The following TIMM9 variants were observed in gnomAD, a reference collection of about 807,000 sequenced individuals.
The protein encoded by TIMM9 is mitochondrial import inner membrane translocase subunit Tim9.
In TIMM9, 10 loss-of-function variants were observed where a neutral mutation model predicts 13.4. The observed-to-expected ratio is 0.75, with a 90% CI of 0.46 to 1.26. The LOEUF (loss-of-function observed/expected upper bound fraction) is 1.26, where lower values mean the gene tolerates loss of function less well. TIMM9 is among the 50% of genes most tolerant of loss of function. The probability of loss-of-function intolerance (pLI) is 0.00; values close to 1 mark genes in which losing one functional copy is unlikely to be tolerated. For synonymous variants in TIMM9, 32 were observed against 32.1 expected (o/e 1.00, Z 0.01); for missense variants, 87 against 100.8 (o/e 0.86, Z 0.58).
intron 3 of TIMM9, among the ~76,000 whole-genome samples, chr14:58,418,534 A>G (rs1478398301): frequency 6.6e-6 from 1 of 152,230 alleles, no homozygotes; most frequent in Non-Finnish European, 1.5e-5. Flanking sequence ...TGCATGTAAT[A>G]TAATTATGAA....
At chr14:58,409,295 T>A in intron 5 of TIMM9, 127 bp from the exon 6 acceptor site, 2 of 1,028,146 alleles carry the variant, frequency 1.9e-6, no homozygotes, top group Non-Finnish European at 1.4e-6. Flanking sequence ...TAAATAGTAC[T>A]AATTGGCAGC....
Position 58,409,048 on chromosome 14 carries a change from C to T in TIMM9, c.256G>A (p.Gly86Ser). 6.2e-7 allele frequency: 1 copy of T among 1,613,094 alleles called. No homozygotes were observed. Among genetic ancestry groups the T allele is most frequent in the Non-Finnish European group, 8.5e-7 (1 of 1,179,810 alleles). ...EALAAKAGLL[G>S]QPR is the part of the protein sequence containing the mutation. ...TCAGGACTTCTCTATCGTGGTTGGC[C>T]AAGGAGTCCTGCTTTGGCTGCCAGG... The change falls in exon 6 of 6, where the codon GGC becomes AGC. Residue 86 changes from glycine to serine, a missense_variant. By Grantham distance (56) the Gly-to-Ser change is moderately conservative. Coordinates refer to ENST00000395159, the MANE Select transcript of TIMM9 (RefSeq NM_012460.4).
chr14:58,425,933 G>A lies in TIMM9; in HGVS notation c.-115+1121C>T, dbSNP rs558536711. 3.3e-5 allele frequency among the ~76,000 whole-genome samples: 5 copies of A among 152,006 alleles called. No individual in the cohort carries two copies. In the East Asian group the frequency reaches 9.9e-4, roughly 30 times the overall value. On this transcript the variant is annotated intron_variant, in intron 2 of 5. Coordinates refer to ENST00000395159, the MANE Select transcript of TIMM9 (RefSeq NM_012460.4). Reference sequence around the variant, plus strand: ...GTTCGAGACCAACCTGGCCAACATGGTGAAACCCCGTCTCTAATAAAAATA... The same window carrying A: ...GTTCGAGACCAACCTGGCCAACATGATGAAACCCCGTCTCTAATAAAAATA...
intron 3 of TIMM9, among the ~76,000 whole-genome samples, chr14:58,418,658 A>C (rs1334900342): frequency 6.6e-6 from 1 of 152,216 alleles, no homozygotes; most frequent in African/African-American, 2.4e-5. Context: ...ATATACCATC[A>C]ATGAACACAT....
chr14:58,412,166 C>A lies in TIMM9; in HGVS notation c.-26-195G>T, dbSNP rs568610679. The A allele has an allele frequency of 2.0e-5, 9 of 445,668 alleles. No homozygotes were observed. In the South Asian group the frequency reaches 2.4e-4, roughly 12 times the overall value. 27.6% of individuals were successfully genotyped at this position (445,668 alleles called of 1,614,324 possible). On this transcript the variant is annotated intron_variant, in intron 3 of 5. Transcript: ENST00000395159. ...TTAGATTTTCTTTTTTTTTTTGAGA[C>A]GGAGTCTCACTCTGTCACCAGGCTG...
chr14:58,419,152 T>C (rs1297231094), intron 3 of TIMM9, among the ~76,000 whole-genome samples: 1 of 151,848 alleles, frequency 6.6e-6, no homozygotes, highest in African/African-American at 2.4e-5. Flanking sequence ...AATAACAGAT[T>C]AACACCAAAA....
At chr14:58,419,152 T>A (rs1297231094) in intron 3 of TIMM9, among the ~76,000 whole-genome samples, 1 of 151,848 alleles carries the variant, frequency 6.6e-6, no homozygotes, top group Non-Finnish European at 1.5e-5. Context: ...AATAACAGAT[T>A]AACACCAAAA....
intron 2 of TIMM9, among the ~76,000 whole-genome samples, chr14:58,425,108 T>C (rs1180824322): frequency 6.6e-6 from 1 of 151,956 alleles, no homozygotes; most frequent in Non-Finnish European, 1.5e-5. Context: ...TTGAGAGGGC[T>C]GATTTAGAGT....
intron 5 of TIMM9, 50 bp from the exon 6 acceptor site, chr14:58,409,218 T>A: frequency 6.3e-7 from 1 of 1,593,914 alleles, no homozygotes; most frequent in Non-Finnish European, 8.5e-7. Flanking sequence ...ATATGAATTT[T>A]TTAAAATGCA....
At chr14:58,425,198 G>T (rs2036697985) in intron 2 of TIMM9, among the ~76,000 whole-genome samples, 1 of 152,036 alleles carries the variant, frequency 6.6e-6, no homozygotes, top group African/African-American at 2.4e-5. Context: ...ATCACGTGCG[G>T]TCAGGAGTTC....
intron 5 of TIMM9, 30 bp downstream of exon 5, chr14:58,410,813 T>A (rs193180714): frequency 2.0e-6 from 3 of 1,505,626 alleles, no homozygotes; most frequent in Non-Finnish European, 2.7e-6. Context: ...TGAAGGCTTG[T>A]AGAATTTTAG....
chr14:58,420,070 G>A (rs575375542), intron 3 of TIMM9, among the ~76,000 whole-genome samples: 3 of 152,278 alleles, frequency 2.0e-5, no homozygotes, highest in South Asian at 2.1e-4. Flanking sequence ...GATTACAGGC[G>A]TAAGCCACCA....
intron 3 of TIMM9, among the ~76,000 whole-genome samples, chr14:58,415,512 T>G (rs200734877): frequency 1.3e-5 from 2 of 152,028 alleles, no homozygotes; most frequent in East Asian, 3.9e-4. Context: ...AGCAAAGAAA[T>G]AGAAGATATC....
chr14:58,412,302 C>T (rs1309578331), intron 3 of TIMM9, among the ~76,000 whole-genome samples: 3 of 152,178 alleles, frequency 2.0e-5, no homozygotes, highest in African/African-American at 7.2e-5. Flanking sequence ...CCACCATGCC[C>T]AGCTAATTTT....
intron 3 of TIMM9, among the ~76,000 whole-genome samples, chr14:58,420,380 C>T (rs1365199391): frequency 6.6e-6 from 1 of 151,702 alleles, no homozygotes; most frequent in African/African-American, 2.4e-5. Context: ...ACAAACAATC[C>T]AATTAGAAAA....
intron 3 of TIMM9, among the ~76,000 whole-genome samples, chr14:58,415,804 T>C (rs2036386597): frequency 6.6e-6 from 1 of 152,110 alleles, no homozygotes; most frequent in African/African-American, 2.4e-5. Context: ...AAATAATGGC[T>C]GAAAACTCCC....
chr14:58,415,075 A>G (rs2140323505), intron 3 of TIMM9, among the ~76,000 whole-genome samples: 1 of 152,344 alleles, frequency 6.6e-6, no homozygotes, highest in South Asian at 2.1e-4. Flanking sequence ...GGGAGTTATC[A>G]GTGGAAGCCT....
rs6764 is a variant in TIMM9 at position 58,427,073 on chromosome 14, T to G, written c.-134A>C. ...CCATACTTAAGCACAGGCTCTCGCATCCGACATCAGTACAAGGCTGGGGGT... is the reference window on the plus strand; with the variant it reads ...CCATACTTAAGCACAGGCTCTCGCAGCCGACATCAGTACAAGGCTGGGGGT... On this transcript the variant is annotated 5_prime_UTR_variant, in exon 2 of 6. It removes an upstream start codon present in the reference 5' UTR. Coordinates refer to ENST00000395159, the MANE Select transcript of TIMM9 (RefSeq NM_012460.4). 128,026 of 154,172 alleles carry G rather than the reference T, an allele frequency of 0.83. 55,196 individuals are homozygous for G. The highest frequency in any genetic ancestry group is 0.99 in the East Asian group (5,123 of 5,192). The allele number at this position is 154,172 out of a possible 1,614,324, so 9.6% of individuals were successfully genotyped here.
At chr14:58,419,129 T>C (rs541888364) in intron 3 of TIMM9, among the ~76,000 whole-genome samples, 1 of 151,866 alleles carries the variant, frequency 6.6e-6, no homozygotes, top group Non-Finnish European at 1.5e-5. Flanking sequence ...CAGTGGAACA[T>C]AACAAAGAAT....
Sources: allele counts gnomAD v4.1 joint callset (sites outside exome capture counted in the v4.1 genomes callset), GRCh38; gene constraint gnomAD v4.1.1; transcripts MANE v1.5; gene names NCBI Gene and HGNC (gene_info 2026-07-23, HGNC 2026-07-21).